The following ARHGAP28 variants were observed in gnomAD, a reference collection of about 807,000 sequenced individuals.
The protein encoded by ARHGAP28 is rho GTPase-activating protein 28.
Under a neutral mutation model 90.7 loss-of-function variants are expected in ARHGAP28, and 56 were observed. That is an observed-to-expected ratio of 0.62 (90% CI 0.50 to 0.77). The LOEUF (loss-of-function observed/expected upper bound fraction) is 0.77. ARHGAP28 is among the 30% of genes least tolerant of loss of function. The pLI, the probability that ARHGAP28 is intolerant of heterozygous loss-of-function variation, is 0.00. For missense variants in ARHGAP28, 869 were observed against 900.9 expected (o/e 0.96, Z 0.45); for synonymous variants, 308 against 323.3 (o/e 0.95, Z 0.51).
At chr18:6,768,767 T>C (rs2056219945) in intron 1 of ARHGAP28, among the ~76,000 whole-genome samples, 1 of 152,152 alleles carries the variant, frequency 6.6e-6, no homozygotes, top group African/African-American at 2.4e-5. Flanking sequence ...CTGTTCCATG[T>C]CCCCTTAACT....
At chr18:6,878,332 C>T (rs938197649) in intron 10 of ARHGAP28, among the ~76,000 whole-genome samples, 2 of 113,626 alleles carry the variant, frequency 1.8e-5, no homozygotes, top group African/African-American at 7.2e-5. Context: ...ACATCACACT[C>T]TGGGGACTGT....
At chr18:6,766,344 A>C (rs2056199813) in intron 1 of ARHGAP28, among the ~76,000 whole-genome samples, 1 of 152,228 alleles carries the variant, frequency 6.6e-6, no homozygotes, top group African/African-American at 2.4e-5. Context: ...TATCATAAGT[A>C]AATATCCCTC....
intron 1 of ARHGAP28, among the ~76,000 whole-genome samples, chr18:6,815,549 C>T (rs146888651): frequency 2.6e-5 from 4 of 152,208 alleles, no homozygotes; most frequent in East Asian, 3.9e-4. Flanking sequence ...GTTGGGATAT[C>T]GCCACTGATT....
chr18:6,890,737 T>C (rs533036710), intron 14 of ARHGAP28, among the ~76,000 whole-genome samples, 194 bp downstream of exon 14: 22 of 152,322 alleles, frequency 1.4e-4, no homozygotes, highest in African/African-American at 4.1e-4. Flanking sequence ...TTGAGAGTTA[T>C]GTGCTTTTTG....
chr18:6,746,280 G>T (rs770153230), intron 1 of ARHGAP28, among the ~76,000 whole-genome samples: 11 of 152,166 alleles, frequency 7.2e-5, no homozygotes, highest in Non-Finnish European at 1.6e-4. Context: ...TAGACCAGGG[G>T]TTGGCACAGT....
At chr18:6,891,264 C>G (rs1474166738) in intron 14 of ARHGAP28, among the ~76,000 whole-genome samples, 3 of 151,984 alleles carry the variant, frequency 2.0e-5, no homozygotes, top group Non-Finnish European at 2.9e-5. Context: ...GGAATGTGCT[C>G]TAGCGTGGGA....
At position 6,740,505 on chromosome 18, in the gene ARHGAP28, G is replaced by T. The variant is rs564725357; in HGVS notation, c.122+10562G>T. Among the ~76,000 whole-genome samples the T allele has an allele frequency of 3.0e-4, 46 of 152,264 alleles. 1 individual carries two copies. The highest frequency in any genetic ancestry group is 1.1e-3 in the African/African-American group (46 of 41,546). ...ACGAATCCTAGGCCCATCTTAGTCT[G>T]GACCTGAATCCTCTGCAGAGGTCAG... is the stretch of plus-strand genomic sequence containing the variant. On this transcript the variant is annotated intron_variant, in intron 1 of 17. Transcript: ENST00000383472.
In ARHGAP28 at chr18:6,772,328, C is replaced by T. The variant is rs537351424; in HGVS notation, c.122+42385C>T. On this transcript the variant is annotated intron_variant, in intron 1 of 17. Coordinates refer to ENST00000383472, the MANE Select transcript of ARHGAP28 (RefSeq NM_001366230.1). The stretch of plus-strand genomic sequence containing the variant: ...TTTATTACATTTGTTTCCAGGAGCT[C>T]CAACTTGTCTTAAAGTTTACTACAT... Among the ~76,000 whole-genome samples, 6 of 152,254 alleles carry T rather than the reference C, an allele frequency of 3.9e-5. No homozygotes were observed. The South Asian group carries it at 1.2e-3, about 32-fold the overall frequency.
At chr18:6,850,650 C>T (rs952557395) in intron 3 of ARHGAP28, 1 of 617,232 alleles carries the variant, frequency 1.6e-6, no homozygotes, top group Admixed American at 3.3e-5. Context: ...TTCCCAGACA[C>T]TCCACCAAGT....
At chr18:6,761,489 G>C (rs959196778) in intron 1 of ARHGAP28, among the ~76,000 whole-genome samples, 3 of 152,170 alleles carry the variant, frequency 2.0e-5, no homozygotes, top group African/African-American at 7.2e-5. Context: ...GAAGGAAACA[G>C]TATTGATGGA....
chr18:6,831,653 C>G (rs890226591), intron 2 of ARHGAP28, among the ~76,000 whole-genome samples: 1 of 151,866 alleles, frequency 6.6e-6, no homozygotes, highest in Non-Finnish European at 1.5e-5. Context: ...TTAGGATTAT[C>G]TACATAAGCA....
intron 2 of ARHGAP28, among the ~76,000 whole-genome samples, chr18:6,829,658 A>G (rs2056700274): frequency 6.6e-6 from 1 of 152,172 alleles, no homozygotes; most frequent in African/African-American, 2.4e-5. Context: ...TCCCAGTCTC[A>G]TGCCTCCCAA....
At chr18:6,783,305 T>G (rs949513396) in intron 1 of ARHGAP28, among the ~76,000 whole-genome samples, 1 of 143,614 alleles carries the variant, frequency 7.0e-6, no homozygotes, top group Non-Finnish European at 1.5e-5. Flanking sequence ...GGTATTTACT[T>G]TTTTTTTTTT....
At chr18:6,840,917 G>A (rs950911430) in intron 3 of ARHGAP28, among the ~76,000 whole-genome samples, 4 of 151,896 alleles carry the variant, frequency 2.6e-5, no homozygotes, top group Non-Finnish European at 5.9e-5. Flanking sequence ...CCTCACTTTT[G>A]AAAAAATATT....
chr18:6,791,452 T>G (rs2056405765), intron 1 of ARHGAP28: 1 of 152,212 alleles, frequency 6.6e-6, no homozygotes, highest in Non-Finnish European at 1.5e-5. Context: ...ACACTCAGAA[T>G]TAACCATCAC....
chr18:6,879,541 G>A (rs576474083), intron 10 of ARHGAP28, among the ~76,000 whole-genome samples: 1 of 152,094 alleles, frequency 6.6e-6, no homozygotes, highest in African/African-American at 2.4e-5. Flanking sequence ...TTCACATTGG[G>A]GCCACCACAG....
intron 1 of ARHGAP28, among the ~76,000 whole-genome samples, chr18:6,808,161 GTTTA>G (rs1442314262): frequency 2.6e-5 from 4 of 151,934 alleles, no homozygotes. Context: ...CAGGGGCTCT[GTTTA>G]TTTATTTTTT....
intron 1 of ARHGAP28, among the ~76,000 whole-genome samples, chr18:6,757,774 C>T (rs549736129): frequency 7.2e-5 from 11 of 152,252 alleles, no homozygotes; most frequent in African/African-American, 2.4e-4. Flanking sequence ...TTGGTAAATT[C>T]TTTAAAAATC....
At chr18:6,776,829 C>A (rs1055954590) in intron 1 of ARHGAP28, among the ~76,000 whole-genome samples, 12 of 152,172 alleles carry the variant, frequency 7.9e-5, no homozygotes, top group African/African-American at 2.7e-4. Context: ...GCTATAATAT[C>A]TTGTTCCCCT....
Sources: gnomAD v4.1 joint callset for allele counts (sites outside exome capture counted in the v4.1 genomes callset) on GRCh38, gnomAD v4.1.1 for gene constraint, MANE v1.5 for transcripts, NCBI Gene and HGNC (gene_info 2026-07-23, HGNC 2026-07-21) for gene names.